The following FUNDC2 variants were observed in gnomAD, a reference collection of about 807,000 sequenced individuals.
The protein encoded by FUNDC2 is FUN14 domain-containing protein 2.
In FUNDC2, 4 loss-of-function variants were observed where a neutral mutation model predicts 15.6. The ratio of observed to expected loss-of-function variants is 0.26; its 90% CI spans 0.13 to 0.59. The LOEUF is 0.59. Ranked by LOEUF, FUNDC2 falls within the 20% of genes least tolerant of loss-of-function variation. FUNDC2 has a pLI of 0.90. For missense variants in FUNDC2, 98 were observed against 149.7 expected, an observed-to-expected ratio of 0.65 and a Z score of 1.80; for synonymous variants, 44 against 56.9, an observed-to-expected ratio of 0.77 and a Z score of 1.02.
intron 1 of FUNDC2, among the ~76,000 whole-genome samples, chrX:155,029,402 T>C (rs978446468): frequency 6.2e-5 from 7 of 112,264 alleles, no homozygotes; most frequent in African/African-American, 2.3e-4. Context: ...ACTGGAACAC[T>C]GCTGGGTTTT....
chrX:155,029,053 C>T (rs1005024748), intron 1 of FUNDC2, among the ~76,000 whole-genome samples: 1 of 111,827 alleles, frequency 8.9e-6, no homozygotes, highest in Non-Finnish European at 1.9e-5. Flanking sequence ...CTTCATGAAT[C>T]TGGATGGGAG....
intron 1 of FUNDC2, among the ~76,000 whole-genome samples, chrX:155,031,581 G>C (rs1385131097): frequency 8.9e-6 from 1 of 112,503 alleles, no homozygotes; most frequent in Non-Finnish European, 1.9e-5. Flanking sequence ...CCGTCCCCCA[G>C]GCTTTCCAAA....
chrX:155,052,145 C>T (rs1020013751), intron 4 of FUNDC2, among the ~76,000 whole-genome samples: 1 of 112,289 alleles, frequency 8.9e-6, no homozygotes, highest in Non-Finnish European at 1.9e-5. Context: ...CATTCATACT[C>T]TGCTTGTTCT....
intron 4 of FUNDC2, 199 bp from the exon 5 acceptor site, chrX:155,054,396 T>A: frequency 1.3e-6 from 1 of 749,357 alleles, no homozygotes; most frequent in Non-Finnish European, 1.6e-6. Flanking sequence ...CAGCCAGTAG[T>A]CATTTTCATA....
At chrX:155,027,528 C>CA (rs2073798234) in intron 1 of FUNDC2, among the ~76,000 whole-genome samples, 1 of 112,322 alleles carries the variant, frequency 8.9e-6, no homozygotes, top group Non-Finnish European at 1.9e-5. Flanking sequence ...TCGGCATAGT[C>CA]AAAGATTCCG....
chrX:155,031,910 G>C (rs1165828595), intron 1 of FUNDC2, among the ~76,000 whole-genome samples: 1 of 111,756 alleles, frequency 8.9e-6, no homozygotes, highest in African/African-American at 3.3e-5. Flanking sequence ...CAGAGAAAGG[G>C]ATTGACATTT....
In FUNDC2 at chrX:155,057,911, T is replaced by A. The variant is rs1291955107; in HGVS notation, c.*3239T>A. 1.8e-5 allele frequency: 2 copies of A among 111,610 alleles called. No homozygotes were observed. The highest frequency in any genetic ancestry group is 3.8e-5 in the Non-Finnish European group (2 of 53,017). The allele number at this position is 111,610 out of a possible 1,213,427, so 9.2% of individuals were successfully genotyped here. On this transcript the variant is annotated 3_prime_UTR_variant, in exon 5 of 5. Transcript: ENST00000369498. ...GGCTCAACAGATGGAGTCCAATGTT[T>A]CAGTCTCCCCCAAGAATGTGTATCC...
intron 4 of FUNDC2, among the ~76,000 whole-genome samples, chrX:155,052,292 T>C (rs927491896): frequency 7.1e-5 from 8 of 112,331 alleles, no homozygotes; most frequent in Non-Finnish European, 1.5e-4. Context: ...AGATTGGATT[T>C]GGCCCATGGG....
chrX:155,042,657 A>C (rs782400510), intron 2 of FUNDC2, among the ~76,000 whole-genome samples: 1 of 111,366 alleles, frequency 9.0e-6, no homozygotes, highest in East Asian at 2.8e-4. Context: ...ACAGTTCATT[A>C]ATACTGTTTA....
chrX:155,034,472 C>T (rs1433260433), intron 2 of FUNDC2, among the ~76,000 whole-genome samples: 2 of 111,792 alleles, frequency 1.8e-5, no homozygotes, highest in Non-Finnish European at 3.8e-5. Context: ...TAATACTATG[C>T]TTATATGAGT....
rs374878363 is a variant in FUNDC2, at chrX:155,054,643, G to A, written c.541G>A (p.Gly181Arg). ...KNVLVTGGFF[G>R]GFLLGMAS ...TGTTCTAGTAACTGGGGGATTTTTC[G>A]GAGGCTTTCTGCTTGGCATGGCATC... Residue 181 changes from glycine to arginine, a missense_variant, in exon 5 of 5, where the codon GGA becomes AGA. Transcript: ENST00000369498. 1.1e-5 allele frequency: 13 copies of A among 1,208,528 alleles called. No homozygotes were observed. The highest frequency in any genetic ancestry group is 8.9e-5 in the East Asian group (3 of 33,757).
chrX:155,033,695 C>A, intron 2 of FUNDC2, 142 bp downstream of exon 2: 1 of 496,630 alleles, frequency 2.0e-6, no homozygotes, highest in Non-Finnish European at 3.4e-6. Flanking sequence ...ATCTAAACAT[C>A]ATCTTAAAGT....
intron 2 of FUNDC2, among the ~76,000 whole-genome samples, chrX:155,037,013 G>A (rs782306868): frequency 9.0e-6 from 1 of 111,551 alleles, no homozygotes; most frequent in Admixed American, 9.6e-5. Context: ...CCAGACACCC[G>A]ATGAGATTTT....
chrX:155,026,993 C>A lies in FUNDC2; in HGVS notation c.55C>A (p.His19Asn). Residue 19 changes from histidine to asparagine, a missense_variant, in exon 1 of 5, where the codon CAC becomes AAC. Physicochemically the swap from His to Asn is moderately conservative, Grantham distance 68. Coordinates refer to ENST00000369498, the MANE Select transcript of FUNDC2 (RefSeq NM_023934.4). ...GSQVVATTAR[H>N]SAAYRADPLR... Reference sequence around the variant, plus strand: ...CCAAGTGGTGGCGACAACTGCGCGCCACTCCGCGGCCTACCGCGCAGATCC... The same window carrying A: ...CCAAGTGGTGGCGACAACTGCGCGCAACTCCGCGGCCTACCGCGCAGATCC... 8.3e-7 allele frequency: 1 copy of A among 1,203,535 alleles called. No individual in the cohort carries two copies. Among genetic ancestry groups the A allele is most frequent in the Non-Finnish European group, 1.1e-6 (1 of 892,007 alleles).
Position 155,054,906 on chromosome X carries a change from C to A in FUNDC2, c.*234C>A. On this transcript the variant is annotated 3_prime_UTR_variant, in exon 5 of 5. Transcript: ENST00000369498. ...TCCTCCCAGTACACCCCCTACTTGG[C>A]CAGTCTGTAGGCCAACAAGAAGGTT... The A allele has an allele frequency of 2.6e-6, 1 of 390,954 alleles. No homozygotes were observed. The allele number at this position is 390,954 out of a possible 1,213,427, so 32.2% of individuals were successfully genotyped here.
rs2073920522 is a variant in FUNDC2, at chrX:155,059,750, C to A, written c.*5078C>A. ...CGTATACTGATACAGTTTGGAGCCA[C>A]CGAATGTCATGTTGAACCGTATTCC... is the stretch of plus-strand genomic sequence containing the variant. On this transcript the variant is annotated 3_prime_UTR_variant, in exon 5 of 5. Coordinates refer to ENST00000369498, the MANE Select transcript of FUNDC2 (RefSeq NM_023934.4). 8.9e-6 allele frequency: 1 copy of A among 112,250 alleles called. No individual in the cohort carries two copies. Among genetic ancestry groups the A allele is most frequent in the Non-Finnish European group, 1.9e-5 (1 of 53,240 alleles). The allele number at this position is 112,250 out of a possible 1,213,427, so 9.3% of individuals were successfully genotyped here.
intron 2 of FUNDC2, 42 bp downstream of exon 2, chrX:155,033,595 T>G (rs2073822592): frequency 8.7e-7 from 1 of 1,153,479 alleles, no homozygotes. Flanking sequence ...TGTGCATGAT[T>G]TAGTATTGCA....
Position 155,031,289 on chromosome X carries a change from G to A in FUNDC2, c.134-2114G>A, listed in dbSNP as rs2073814126. The stretch of plus-strand genomic sequence containing the variant: ...TGATCATTGTTATTTGCTTACTTCA[G>A]CATCTTGATCATCACTGGTTCTGTT... On this transcript the variant is annotated intron_variant, in intron 1 of 4. Transcript: ENST00000369498. Among the ~76,000 whole-genome samples, 3 of 111,826 alleles carry A rather than the reference G, an allele frequency of 2.7e-5. No homozygotes were observed. The Admixed American group carries it at 2.8e-4, about 11-fold the overall frequency.
intron 2 of FUNDC2, among the ~76,000 whole-genome samples, chrX:155,037,572 C>T (rs782095558): frequency 9.3e-4 from 103 of 110,875 alleles, no homozygotes; most frequent in Non-Finnish European, 1.7e-3. Context: ...CAACCTCTGC[C>T]TCCCAGGTTC....
Sources: allele counts gnomAD v4.1 joint callset (sites outside exome capture counted in the v4.1 genomes callset), GRCh38; gene constraint gnomAD v4.1.1; transcripts MANE v1.5; gene names NCBI Gene and HGNC (gene_info 2026-07-23, HGNC 2026-07-21).